The following KCNH1 variants were observed in gnomAD, a reference collection of about 807,000 sequenced individuals.
KCNH1 encodes the protein voltage-gated delayed rectifier potassium channel KCNH1.
Under a neutral mutation model 69.2 loss-of-function variants are expected in KCNH1, and 27 were observed. That is an observed-to-expected ratio of 0.39 (90% confidence interval 0.29 to 0.54). KCNH1 has a LOEUF of 0.54. Among genes scored for constraint, KCNH1 ranks in the 20% least tolerant of loss-of-function variants. The probability of loss-of-function intolerance (pLI) is 0.68; values close to 1 mark genes in which losing one functional copy is unlikely to be tolerated. For synonymous variants in KCNH1, 456 were observed against 487.7 expected (o/e 0.93, Z 0.86); for missense variants, 798 against 1,261.6 (o/e 0.63, Z 5.57).
At chr1:210,714,438 T>C (rs1276387239) in intron 10 of KCNH1, among the ~76,000 whole-genome samples, 1 of 152,208 alleles carries the variant, frequency 6.6e-6, no homozygotes, top group South Asian at 2.1e-4. Context: ...CTGCTGCTTA[T>C]TCATCACGCA....
intron 1 of KCNH1, among the ~76,000 whole-genome samples, chr1:211,122,030 C>T (rs1341206817): frequency 1.3e-5 from 2 of 151,882 alleles, no homozygotes; most frequent in Admixed American, 6.6e-5. Context: ...CCCAGCTACT[C>T]GGGAGGCAGA....
intron 7 of KCNH1, among the ~76,000 whole-genome samples, chr1:210,907,345 G>A (rs990189721): frequency 6.6e-6 from 1 of 152,090 alleles, no homozygotes; most frequent in Non-Finnish European, 1.5e-5. Flanking sequence ...AAAGCCAATT[G>A]CCAAAGCAAA....
At chr1:210,819,808 G>A (rs181789337) in intron 7 of KCNH1, among the ~76,000 whole-genome samples, 3 of 152,330 alleles carry the variant, frequency 2.0e-5, no homozygotes, top group Admixed American at 1.3e-4. Context: ...TACCAAGACT[G>A]TAACAGTGCT....
At chr1:211,072,794 G>A (rs933936486) in intron 5 of KCNH1, among the ~76,000 whole-genome samples, 3 of 152,020 alleles carry the variant, frequency 2.0e-5, no homozygotes, top group African/African-American at 7.2e-5. Context: ...ACCAAAAAAG[G>A]CAGAAAAAGA....
At chr1:210,781,719 C>T (rs1354775587) in intron 9 of KCNH1, among the ~76,000 whole-genome samples, 3 of 152,208 alleles carry the variant, frequency 2.0e-5, no homozygotes, top group Non-Finnish European at 2.9e-5. Flanking sequence ...CTCTTCAGTT[C>T]GTACAGCCAT....
intron 10 of KCNH1, among the ~76,000 whole-genome samples, chr1:210,732,501 G>A (rs1296705305): frequency 6.6e-6 from 1 of 152,120 alleles, no homozygotes; most frequent in African/African-American, 2.4e-5. Context: ...CATCTATTGT[G>A]TGTTCATGAC....
At chr1:210,861,316 A>G (rs1046075089) in intron 7 of KCNH1, 2 of 820,320 alleles carry the variant, frequency 2.4e-6, no homozygotes, top group Non-Finnish European at 4.4e-6. Context: ...TCTGTTGTAA[A>G]ACTTGAGGAG....
intron 7 of KCNH1, among the ~76,000 whole-genome samples, chr1:210,823,297 A>G (rs1184640218): frequency 6.6e-6 from 1 of 152,238 alleles, no homozygotes; most frequent in African/African-American, 2.4e-5. Flanking sequence ...ATGTTCCACA[A>G]AAGAGAACTG....
intron 6 of KCNH1, among the ~76,000 whole-genome samples, chr1:210,979,446 T>C (rs1688672864): frequency 2.0e-5 from 3 of 152,222 alleles, no homozygotes; most frequent in Admixed American, 2.0e-4. Context: ...TAATCCATAT[T>C]TTCAAATTCT....
chr1:210,961,194 T>TTTA (rs1424679069), intron 6 of KCNH1, among the ~76,000 whole-genome samples: 1 of 152,168 alleles, frequency 6.6e-6, no homozygotes, highest in Non-Finnish European at 1.5e-5. Flanking sequence ...CTTATTGAGT[T>TTTA]TTAAGAGTTC....
At chr1:211,117,389 T>G (rs368296056) in intron 1 of KCNH1, among the ~76,000 whole-genome samples, 32 of 152,204 alleles carry the variant, frequency 2.1e-4, no homozygotes, top group African/African-American at 6.3e-4. Context: ...GCAGTAGACT[T>G]GGTGCTGTGC....
intron 10 of KCNH1, among the ~76,000 whole-genome samples, chr1:210,757,798 T>C (rs1683431291): frequency 6.6e-6 from 1 of 152,234 alleles, no homozygotes; most frequent in South Asian, 2.1e-4. Context: ...CCTCTGTCTC[T>C]GAACAAACAG....
At chr1:210,926,733 A>C (rs1364777341) in intron 6 of KCNH1, among the ~76,000 whole-genome samples, 1 of 152,206 alleles carries the variant, frequency 6.6e-6, no homozygotes, top group Non-Finnish European at 1.5e-5. Context: ...GAAACGCCAG[A>C]AAAAGAATTC....
intron 5 of KCNH1, among the ~76,000 whole-genome samples, chr1:211,044,069 A>G (rs1335058067): frequency 1.3e-5 from 2 of 152,202 alleles, no homozygotes; most frequent in African/African-American, 2.4e-5. Context: ...TCTCTTGAAC[A>G]TAGTACTGGA....
intron 10 of KCNH1, among the ~76,000 whole-genome samples, chr1:210,721,114 G>C (rs1682444128): frequency 6.6e-6 from 1 of 152,004 alleles, no homozygotes; most frequent in Non-Finnish European, 1.5e-5. Flanking sequence ...TGAACACCTG[G>C]GAATTGAGGC....
At chr1:210,692,494 G>C (rs942000962) in intron 10 of KCNH1, among the ~76,000 whole-genome samples, 2 of 152,136 alleles carry the variant, frequency 1.3e-5, no homozygotes, top group African/African-American at 2.4e-5. Flanking sequence ...TGCTCCCTCA[G>C]TGTAGTGGAC....
chr1:211,040,976 C>A (rs568723483), intron 5 of KCNH1, among the ~76,000 whole-genome samples: 10 of 152,308 alleles, frequency 6.6e-5, no homozygotes, highest in Non-Finnish European at 1.5e-4. Context: ...AGCCCTCAAC[C>A]TGTGATCCTC....
chr1:210,904,289 A>G (rs1687052233), intron 7 of KCNH1, among the ~76,000 whole-genome samples: 1 of 152,172 alleles, frequency 6.6e-6, no homozygotes, highest in South Asian at 2.1e-4. Flanking sequence ...AGCATATCAG[A>G]AGCCTCCACA....
At chr1:210,740,731 T>TTTTTTTTTTTTTG (rs1558449289) in intron 10 of KCNH1, among the ~76,000 whole-genome samples, 5 of 119,566 alleles carry the variant, frequency 4.2e-5, no homozygotes, top group African/African-American at 1.8e-4. Context: ...TTTTTTTTTT[T>TTTTTTTTTTTTTG]TACTAAAAGA....
Sources: gnomAD v4.1 joint callset for allele counts (sites outside exome capture counted in the v4.1 genomes callset) on GRCh38, gnomAD v4.1.1 for gene constraint, MANE v1.5 for transcripts, NCBI Gene and HGNC (gene_info 2026-07-23, HGNC 2026-07-21) for gene names.